The following MDGA2 variants were observed in gnomAD, a reference collection of about 807,000 sequenced individuals.
MDGA2 encodes MAM domain containing glycosylphosphatidylinositol anchor 2, also known as MAM domain-containing glycosylphosphatidylinositol anchor protein 2.
A neutral mutation model predicts 117.8 loss-of-function variants in MDGA2; 40 were observed. The ratio of observed to expected loss-of-function variants is 0.34; its 90% confidence interval spans 0.26 to 0.44. MDGA2 has a LOEUF of 0.44. Among genes scored for constraint, MDGA2 ranks in the 20% least tolerant of loss-of-function variants. MDGA2 has a pLI of 1.00. For missense variants in MDGA2, 1,123 were observed against 1,250.6 expected (o/e 0.90, Z 1.54); for synonymous variants, 452 against 439.0 (o/e 1.03, Z -0.37).
At chr14:47,649,884 T>TA (rs2138266721) in intron 1 of MDGA2, among the ~76,000 whole-genome samples, 1 of 152,136 alleles carries the variant, frequency 6.6e-6, no homozygotes, top group African/African-American at 2.4e-5. Flanking sequence ...TGAATTAGGC[T>TA]AAAAAAGTTG....
Position 47,035,187 on chromosome 14 carries a change from C to T in MDGA2, c.1643G>A (p.Arg548Lys), listed in dbSNP as rs746274187. The part of the protein sequence containing the change: ...GKPKPIILWS[R>K]ADKEVAMPDG... ...AGGCATTGCAACTTCTTTATCCGCT[C>T]TAGACCAAAGGATGATTGGTTTAGG... Residue 548 changes from arginine to lysine, a missense_variant, in exon 8 of 17, where the codon AGA becomes AAA. By Grantham distance (26) the Arg-to-Lys change is conservative. Coordinates refer to ENST00000399232, the MANE Select transcript of MDGA2 (RefSeq NM_001113498.3). The T allele has an allele frequency of 6.2e-7, 1 of 1,614,138 alleles. No homozygotes were observed. The highest frequency in any genetic ancestry group is 1.7e-5 in the Admixed American group (1 of 60,024).
At chr14:47,431,015 T>C (rs1209156993) in intron 1 of MDGA2, among the ~76,000 whole-genome samples, 1 of 152,058 alleles carries the variant, frequency 6.6e-6, no homozygotes, top group Non-Finnish European at 1.5e-5. Flanking sequence ...CTTATAGTTT[T>C]TATGTCATTA....
chr14:47,217,710 T>A (rs1886146389), intron 3 of MDGA2, among the ~76,000 whole-genome samples: 1 of 152,096 alleles, frequency 6.6e-6, no homozygotes, highest in Admixed American at 6.6e-5. Flanking sequence ...TGCATGTATA[T>A]CTTTATATAT....
chr14:47,446,998 T>C (rs1173606228), intron 1 of MDGA2, among the ~76,000 whole-genome samples: 4 of 152,154 alleles, frequency 2.6e-5, no homozygotes, highest in African/African-American at 9.7e-5. Flanking sequence ...AACACAATGG[T>C]ATAGAATCAG....
rs146882258 is a variant in MDGA2, at chr14:47,612,647, T to C, written c.280+61870A>G. ...GAGAAACTATTTGGGTATGCTTCTATACCTTCTCCAAGCAATTTGCCGCTG... is the reference window on the plus strand; with the variant it reads ...GAGAAACTATTTGGGTATGCTTCTACACCTTCTCCAAGCAATTTGCCGCTG... On this transcript the variant is annotated intron_variant, in intron 1 of 16. Coordinates refer to ENST00000399232, the MANE Select transcript of MDGA2 (RefSeq NM_001113498.3). 5.3e-4 allele frequency among the ~76,000 whole-genome samples: 80 copies of C among 152,304 alleles called. No homozygotes were observed. In the Middle Eastern group the frequency reaches 0.014, roughly 26 times the overall value.
chr14:47,029,076 A>G (rs1275976805), intron 8 of MDGA2, among the ~76,000 whole-genome samples: 1 of 152,144 alleles, frequency 6.6e-6, no homozygotes, highest in Non-Finnish European at 1.5e-5. Context: ...ACAGAATATT[A>G]CCCAGTAACT....
intron 5 of MDGA2, among the ~76,000 whole-genome samples, chr14:47,118,429 A>C (rs2093252743): frequency 6.6e-6 from 1 of 152,198 alleles, no homozygotes. Context: ...AAAACATTGG[A>C]TCACCTATGA....
At chr14:47,407,105 G>A (rs1431253591) in intron 1 of MDGA2, among the ~76,000 whole-genome samples, 1 of 152,004 alleles carries the variant, frequency 6.6e-6, no homozygotes, top group East Asian at 1.9e-4. Flanking sequence ...GAATAGGTGT[G>A]CATATTAATT....
At chr14:47,172,993 G>A (rs1215591231) in intron 3 of MDGA2, among the ~76,000 whole-genome samples, 5 of 152,196 alleles carry the variant, frequency 3.3e-5, no homozygotes, top group African/African-American at 1.2e-4. Context: ...CGAGAACTAT[G>A]TGAAGAATGC....
At chr14:47,372,427 C>A (rs1399685736) in intron 1 of MDGA2, among the ~76,000 whole-genome samples, 1 of 151,774 alleles carries the variant, frequency 6.6e-6, no homozygotes, top group East Asian at 1.9e-4. Flanking sequence ...AAAGAATTAG[C>A]AATTCACAGA....
intron 1 of MDGA2, chr14:47,343,173 A>G: frequency 8.7e-7 from 1 of 1,152,530 alleles, no homozygotes; most frequent in Non-Finnish European, 1.1e-6. Context: ...TCCACTTATC[A>G]TTCTGGTACA....
At chr14:47,663,116 C>A (rs1897880919) in intron 1 of MDGA2, among the ~76,000 whole-genome samples, 1 of 152,140 alleles carries the variant, frequency 6.6e-6, no homozygotes, top group South Asian at 2.1e-4. Flanking sequence ...GAGTTCAGAA[C>A]TGAAATAAAA....
At chr14:47,044,732 T>C (rs1301346024) in intron 7 of MDGA2, among the ~76,000 whole-genome samples, 3 of 152,118 alleles carry the variant, frequency 2.0e-5, no homozygotes, top group East Asian at 1.9e-4. Flanking sequence ...AATCTAGCAA[T>C]TGAACAGGAA....
In MDGA2 at chr14:47,248,093, G is replaced by A. The variant is rs538023649; in HGVS notation, c.421-29898C>T. On this transcript the variant is annotated intron_variant, in intron 2 of 16. Transcript: ENST00000399232. Reference sequence around the variant, plus strand: ...CCAAGTCTCTGCTATTGTGAATAGTGCTGCAATAAACATATGTGTGCATGT... The same window carrying A: ...CCAAGTCTCTGCTATTGTGAATAGTACTGCAATAAACATATGTGTGCATGT... 2.3e-4 allele frequency among the ~76,000 whole-genome samples: 35 copies of A among 151,664 alleles called. 1 individual carries two copies. In the South Asian group the frequency reaches 6.9e-3, roughly 30 times the overall value.
intron 5 of MDGA2, among the ~76,000 whole-genome samples, chr14:47,105,453 CCTT>C (rs1352323916): frequency 1.3e-5 from 2 of 151,680 alleles, no homozygotes; most frequent in Non-Finnish European, 2.9e-5. Flanking sequence ...TTCCATTCCT[CCTT>C]CTTCTCCCTT....
intron 1 of MDGA2, among the ~76,000 whole-genome samples, chr14:47,547,310 C>T (rs1449200551): frequency 6.6e-6 from 1 of 152,200 alleles, no homozygotes; most frequent in Non-Finnish European, 1.5e-5. Context: ...GCATTCATTA[C>T]AGGCTTTGAA....
intron 1 of MDGA2, among the ~76,000 whole-genome samples, chr14:47,501,347 A>G (rs1370057932): frequency 3.3e-5 from 5 of 152,196 alleles, no homozygotes; most frequent in African/African-American, 1.2e-4. Flanking sequence ...AATAAATATA[A>G]TGAGCAGATA....
At chr14:47,511,322 AC>A (rs1446369750) in intron 1 of MDGA2, among the ~76,000 whole-genome samples, 14 of 152,336 alleles carry the variant, frequency 9.2e-5, no homozygotes, top group African/African-American at 3.1e-4. Context: ...ATAGAAAAAA[AC>A]ATAACCACTT....
chr14:46,873,633 A>C, intron 13 of MDGA2, 42 bp from the exon 14 acceptor site: 1 of 1,528,280 alleles, frequency 6.5e-7, no homozygotes, highest in Non-Finnish European at 8.9e-7. Flanking sequence ...CATTATTCTT[A>C]GGCATAATGA....
Sources: allele counts gnomAD v4.1 joint callset (sites outside exome capture counted in the v4.1 genomes callset), GRCh38; gene constraint gnomAD v4.1.1; transcripts MANE v1.5; gene names NCBI Gene and HGNC (gene_info 2026-07-23, HGNC 2026-07-21).